FHAD1: variants seen among roughly 807,000 people sequenced by gnomAD.
FHAD1 encodes the protein forkhead-associated domain-containing protein 1.
Under a neutral mutation model 191.3 loss-of-function variants are expected in FHAD1, and 146 were observed. The observed-to-expected ratio is 0.76, with a 90% CI of 0.67 to 0.88. FHAD1 has a LOEUF of 0.88. Ranked by LOEUF, FHAD1 falls within the 40% of genes least tolerant of loss-of-function variation. The pLI is 0.00. For missense variants in FHAD1, 1,635 were observed against 1,785.8 expected (o/e 0.92, Z 1.52); for synonymous variants, 616 against 672.3 (o/e 0.92, Z 1.29).
chr1:15,370,286 A>T (rs1335239388), intron 26 of FHAD1, among the ~76,000 whole-genome samples: 3 of 152,154 alleles, frequency 2.0e-5, no homozygotes, highest in African/African-American at 7.2e-5. Context: ...CCATATAGAT[A>T]TTTGTTTAGT....
chr1:15,352,644 AATG>A (rs1691285627), intron 19 of FHAD1, among the ~76,000 whole-genome samples: 1 of 152,138 alleles, frequency 6.6e-6, no homozygotes, highest in African/African-American at 2.4e-5. Context: ...TGAAGTCTTG[AATG>A]ATGACTCACT....
chr1:15,344,345 A>G (rs561344910), intron 16 of FHAD1, among the ~76,000 whole-genome samples: 2 of 152,304 alleles, frequency 1.3e-5, no homozygotes, highest in African/African-American at 2.4e-5. Flanking sequence ...AAAAAATTCT[A>G]TGTTCCTTTA....
chr1:15,329,545 A>G lies in FHAD1; in HGVS notation c.1906+4A>G. 6.5e-7 allele frequency: 1 copy of G among 1,549,884 alleles called. No individual in the cohort carries two copies. The highest frequency in any genetic ancestry group is 8.7e-7 in the Non-Finnish European group (1 of 1,146,084). ...CTGCCCTCCAGCCCCAACAAAGGTT[A>G]CTGGGACTTTTTTTCTCACATGGTT... is the stretch of plus-strand genomic sequence containing the variant. On this transcript the variant is annotated splice_donor_region_variant and intron_variant, in intron 14 of 33. Coordinates refer to ENST00000688493, the MANE Select transcript of FHAD1 (RefSeq NM_001391957.1). The surrounding 1 kb of genome is among the most constrained non-coding windows in gnomAD (Gnocchi z 5.0).
chr1:15,354,955 T>C lies in FHAD1; in HGVS notation c.2562+1971T>C, dbSNP rs545304874. Among the ~76,000 whole-genome samples, 55 of 152,240 alleles carry C rather than the reference T, an allele frequency of 3.6e-4. No individual in the cohort carries two copies. The South Asian group carries it at 0.011, about 29-fold the overall frequency. On this transcript the variant is annotated intron_variant, in intron 20 of 33. Coordinates refer to ENST00000688493, the MANE Select transcript of FHAD1 (RefSeq NM_001391957.1). ...CGGGCGCAGTGACTCACGCCTGTAA[T>C]CCCAGCACTTTGGGAGGCCAAGGTG...
At chr1:15,338,932 A>C (rs1311320091) in intron 14 of FHAD1, among the ~76,000 whole-genome samples, 1 of 152,190 alleles carries the variant, frequency 6.6e-6, no homozygotes, top group Non-Finnish European at 1.5e-5. Context: ...GTAGACAGTA[A>C]ATAGGTGTTC....
intron 31 of FHAD1, among the ~76,000 whole-genome samples, chr1:15,385,116 A>AT (rs1701808106): frequency 8.2e-6 from 1 of 121,772 alleles, no homozygotes; most frequent in Non-Finnish European, 1.6e-5. Flanking sequence ...GTCAAGGGAA[A>AT]AAGGGGGAAA....
chr1:15,335,346 T>C (rs1683586230), intron 14 of FHAD1: 1 of 152,228 alleles, frequency 6.6e-6, no homozygotes, highest in South Asian at 2.1e-4. Flanking sequence ...CCGTCGTTTG[T>C]GTCTATTTCT....
At chr1:15,247,020 C>G (rs1247216638), upstream of FHAD1, among the ~76,000 whole-genome samples, 1 of 152,204 alleles carries the variant, frequency 6.6e-6, no homozygotes, top group Non-Finnish European at 1.5e-5. Context: ...CTCCTCCCTG[C>G]TCCTTCCTCG....
At position 15,307,101 on chromosome 1, in the gene FHAD1, C is replaced by T. The variant is rs145424799; in HGVS notation, c.916-1512C>T. ...TGCCCAAGACCATGGGAACCTACCT[C>T]TTGCATCAGCGTAATCTGGATGTGA... is the stretch of plus-strand genomic sequence containing the variant. On this transcript the variant is annotated intron_variant, in intron 6 of 33. Coordinates refer to ENST00000688493, the MANE Select transcript of FHAD1 (RefSeq NM_001391957.1). Among the ~76,000 whole-genome samples, 317 of 152,342 alleles carry T rather than the reference C, an allele frequency of 2.1e-3. 2 individuals carry two copies. Among genetic ancestry groups the T allele is most frequent in the African/African-American group, 7.0e-3 (293 of 41,580 alleles).
intron 14 of FHAD1, among the ~76,000 whole-genome samples, chr1:15,330,380 G>A (rs1043273806): frequency 9.2e-5 from 14 of 152,184 alleles, no homozygotes; most frequent in African/African-American, 3.4e-4. Flanking sequence ...GCAGGGCAGA[G>A]ACGTAACGGG....
At chr1:15,313,302 T>C in intron 8 of FHAD1, 115 bp downstream of exon 8, 1 of 420,586 alleles carries the variant, frequency 2.4e-6, no homozygotes. Context: ...TTTCATTCCT[T>C]CCTCTCACAC....
chr1:15,238,009 G>A (rs1644964017), intron 1 of FHAD1, among the ~76,000 whole-genome samples: 1 of 151,960 alleles, frequency 6.6e-6, no homozygotes. Flanking sequence ...CCAGCACTTT[G>A]GGAGGCTGAC....
rs750094419 is a variant in FHAD1 at position 15,318,612 on chromosome 1, C to T, written c.1365+684C>T. Among the ~76,000 whole-genome samples the T allele has an allele frequency of 1.6e-4, 24 of 151,118 alleles. No individual in the cohort carries two copies. The highest frequency in any genetic ancestry group is 4.2e-4 in the South Asian group (2 of 4,790). ...TCGTGCCACCGCACTCCAGCCTGGG[C>T]GACAGAGCAAGACTCCGTCTCAAAA... On this transcript the variant is annotated intron_variant, in intron 10 of 33. Transcript: ENST00000688493. This position sits in a 1 kb window ranked among gnomAD's most constrained non-coding sequence, Gnocchi z 4.1.
At chr1:15,395,292 A>G (rs1705555862) in intron 33 of FHAD1, among the ~76,000 whole-genome samples, 1 of 142,106 alleles carries the variant, frequency 7.0e-6, no homozygotes, top group South Asian at 2.3e-4. Context: ...TGGGCGACAG[A>G]GCAAGACTCC....
At position 15,381,896 on chromosome 1, in the gene FHAD1, C is replaced by G; in HGVS notation, c.4023-132C>G. The G allele has an allele frequency of 1.0e-6, 1 of 969,884 alleles. No homozygotes were observed. Among genetic ancestry groups the G allele is most frequent in the Non-Finnish European group, 1.5e-6 (1 of 652,868 alleles). 60.1% of individuals were successfully genotyped at this position (969,884 alleles called of 1,614,324 possible). ...CTGTACCCCAAATCTTCGTCATGCTCTCCTGCTTGTGATGACACTCCTGAG... is the reference window on the plus strand; with the variant it reads ...CTGTACCCCAAATCTTCGTCATGCTGTCCTGCTTGTGATGACACTCCTGAG... On this transcript the variant is annotated intron_variant, in intron 30 of 33. Coordinates refer to ENST00000688493, the MANE Select transcript of FHAD1 (RefSeq NM_001391957.1). The surrounding 1 kb of genome is among the most constrained non-coding windows in gnomAD (Gnocchi z 4.6).
At chr1:15,348,251 C>T (rs1016082990) in intron 18 of FHAD1, among the ~76,000 whole-genome samples, 1 of 152,130 alleles carries the variant, frequency 6.6e-6, no homozygotes, top group Admixed American at 6.5e-5. Context: ...TTTACAGGCT[C>T]ATCTGGGGCC....
rs570569622 is a variant in FHAD1, at chr1:15,389,447, C to CAAAAA, written c.4269+1333_4269+1337dup. ...TGAGCAACAGAGGAAGAACCTGTCT[C>CAAAAA]AAAAAAAAAAAAAAAAAAAAACCTG... On this transcript the variant is annotated intron_variant, in intron 32 of 33. Coordinates refer to ENST00000688493, the MANE Select transcript of FHAD1 (RefSeq NM_001391957.1). 8.7e-4 allele frequency among the ~76,000 whole-genome samples: 47 copies of CAAAAA among 54,210 alleles called. 4 individuals carry two copies. Among genetic ancestry groups the CAAAAA allele is most frequent in the East Asian group, 7.6e-3 (14 of 1,850 alleles). 35.6% of individuals were successfully genotyped at this position (54,210 alleles called of 152,430 possible).
At chr1:15,350,371 G>A (rs1300639665) in intron 19 of FHAD1, among the ~76,000 whole-genome samples, 2 of 152,346 alleles carry the variant, frequency 1.3e-5, no homozygotes, top group South Asian at 2.1e-4. Context: ...TGACATTCCA[G>A]TGAGAACTGG....
At chr1:15,355,170 T>C (rs147923608) in intron 20 of FHAD1, among the ~76,000 whole-genome samples, 1,754 of 151,458 alleles carry the variant, frequency 0.012, 15 homozygotes, top group Admixed American at 0.012. Context: ...GGTCATGCCA[T>C]TGCACTCCAG....
Sources: allele counts gnomAD v4.1 joint callset (sites outside exome capture counted in the v4.1 genomes callset), GRCh38; gene constraint gnomAD v4.1.1; non-coding constraint Gnocchi (gnomAD v3.1); transcripts MANE v1.5; gene names NCBI Gene and HGNC (gene_info 2026-07-23, HGNC 2026-07-21).